The following LDB2 variants were observed in gnomAD, a reference collection of about 807,000 sequenced individuals.
LDB2 encodes LIM domain binding 2.
Under a neutral mutation model 44.3 loss-of-function variants are expected in LDB2, and 12 were observed. That is an observed-to-expected ratio of 0.27 (90% CI 0.17 to 0.44). The LOEUF (loss-of-function observed/expected upper bound fraction) is 0.44. LDB2 is among the 20% of genes least tolerant of loss of function. The pLI is 1.00. For synonymous variants in LDB2, 164 were observed against 174.8 expected, an observed-to-expected ratio of 0.94 and a Z score of 0.49; for missense variants, 344 against 473.5, an observed-to-expected ratio of 0.73 and a Z score of 2.54.
intron 1 of LDB2, among the ~76,000 whole-genome samples, chr4:16,896,423 A>G (rs1725023226): frequency 6.6e-6 from 1 of 152,108 alleles, no homozygotes; most frequent in Admixed American, 6.6e-5. Flanking sequence ...TTTTTTAATG[A>G]GGGCAAGAGT....
At chr4:16,719,255 AAGGC>A (rs1757719928) in intron 2 of LDB2, among the ~76,000 whole-genome samples, 1 of 152,136 alleles carries the variant, frequency 6.6e-6, no homozygotes. Flanking sequence ...TCCTTCAGTA[AAGGC>A]TAAAATAATT....
chr4:16,686,374 T>C (rs2152573642), intron 2 of LDB2, among the ~76,000 whole-genome samples: 1 of 152,382 alleles, frequency 6.6e-6, no homozygotes, highest in Non-Finnish European at 1.5e-5. Flanking sequence ...TGGGTGGTAT[T>C]ACTCTCATTC....
intron 2 of LDB2, among the ~76,000 whole-genome samples, chr4:16,666,672 G>T (rs1349130152): frequency 2.0e-5 from 3 of 152,194 alleles, no homozygotes; most frequent in Non-Finnish European, 2.9e-5. Flanking sequence ...CGAGGTAACA[G>T]TTTTGTGGAG....
At chr4:16,551,946 A>AT (rs1449979626) in intron 5 of LDB2, among the ~76,000 whole-genome samples, 2 of 152,016 alleles carry the variant, frequency 1.3e-5, no homozygotes, top group Admixed American at 6.6e-5. Flanking sequence ...TTTTTACATA[A>AT]TTTTTTTTCC....
chr4:16,849,310 T>A (rs1787725166), intron 1 of LDB2, among the ~76,000 whole-genome samples: 2 of 152,220 alleles, frequency 1.3e-5, no homozygotes, highest in Non-Finnish European at 2.9e-5. Context: ...CGTACTGTCT[T>A]TCATCTTCCT....
chr4:16,620,389 T>C (rs1728553578), intron 2 of LDB2, among the ~76,000 whole-genome samples: 1 of 152,188 alleles, frequency 6.6e-6, no homozygotes, highest in African/African-American at 2.4e-5. Flanking sequence ...CTTAGAGTCT[T>C]AGATGCTTAG....
chr4:16,731,470 G>A (rs1404281396), intron 2 of LDB2, among the ~76,000 whole-genome samples: 1 of 152,052 alleles, frequency 6.6e-6, no homozygotes, highest in Non-Finnish European at 1.5e-5. Context: ...CCCTTATAAG[G>A]GACCCAGACA....
At chr4:16,785,199 C>T (rs927931596) in intron 1 of LDB2, among the ~76,000 whole-genome samples, 1 of 151,938 alleles carries the variant, frequency 6.6e-6, no homozygotes, top group African/African-American at 2.4e-5. Context: ...AAGAACTAAA[C>T]GTGACACAAA....
chr4:16,620,681 C>T (rs972598192), intron 2 of LDB2, among the ~76,000 whole-genome samples: 32 of 152,144 alleles, frequency 2.1e-4, no homozygotes, highest in African/African-American at 7.2e-4. Flanking sequence ...CATGTGTAGC[C>T]AGCCCCTTCC....
chr4:16,554,816 T>C (rs1320903205), intron 5 of LDB2, among the ~76,000 whole-genome samples: 1 of 152,138 alleles, frequency 6.6e-6, no homozygotes, highest in African/African-American at 2.4e-5. Flanking sequence ...GGCAGTGAAA[T>C]TGCTCTCTAT....
intron 2 of LDB2, among the ~76,000 whole-genome samples, chr4:16,718,947 T>C (rs1757643223): frequency 2.0e-5 from 3 of 152,186 alleles, no homozygotes; most frequent in African/African-American, 7.2e-5. Context: ...GATTAAACTT[T>C]GTTGCCCTGT....
intron 2 of LDB2, among the ~76,000 whole-genome samples, chr4:16,737,787 G>C (rs1762202856): frequency 6.6e-6 from 1 of 152,136 alleles, no homozygotes. Flanking sequence ...TGAATGATTT[G>C]TCTCTGAACT....
intron 5 of LDB2, among the ~76,000 whole-genome samples, chr4:16,522,030 G>A (rs2152276691): frequency 6.6e-6 from 1 of 152,246 alleles, no homozygotes; most frequent in Middle Eastern, 3.4e-3. Flanking sequence ...ATCTCTTGGT[G>A]TTTCAGTCTC....
intron 1 of LDB2, among the ~76,000 whole-genome samples, chr4:16,846,373 G>A (rs1787007988): frequency 6.6e-6 from 1 of 152,168 alleles, no homozygotes; most frequent in South Asian, 2.1e-4. Context: ...TTTAAAAATA[G>A]AAAGCAAAGT....
intron 2 of LDB2, among the ~76,000 whole-genome samples, chr4:16,699,167 A>C (rs1240501009): frequency 1.3e-5 from 2 of 152,222 alleles, no homozygotes; most frequent in Non-Finnish European, 1.5e-5. Flanking sequence ...AGGGGACTGC[A>C]CATTCTTCAT....
chr4:16,668,131 A>T (rs1441295809), intron 2 of LDB2, among the ~76,000 whole-genome samples: 2 of 147,802 alleles, frequency 1.4e-5, no homozygotes, highest in East Asian at 4.0e-4. Flanking sequence ...AGTTTCATAA[A>T]TTTTTAATCA....
intron 1 of LDB2, among the ~76,000 whole-genome samples, chr4:16,880,328 C>A (rs964221906): frequency 1.3e-5 from 2 of 152,094 alleles, no homozygotes; most frequent in Non-Finnish European, 2.9e-5. Flanking sequence ...AGGCAGCTGA[C>A]CAAGGGGAGA....
At chr4:16,727,233 A>G (rs1005673536) in intron 2 of LDB2, among the ~76,000 whole-genome samples, 4 of 152,214 alleles carry the variant, frequency 2.6e-5, no homozygotes, top group Admixed American at 6.5e-5. Context: ...ATGGATCAGA[A>G]AGTGTAGTGT....
intron 1 of LDB2, among the ~76,000 whole-genome samples, chr4:16,778,162 C>T (rs528963534): frequency 6.6e-6 from 1 of 152,294 alleles, no homozygotes; most frequent in East Asian, 1.9e-4. Flanking sequence ...CTTCTCCATG[C>T]ATGAATGCTT....
Sources: gnomAD v4.1 joint callset for allele counts (sites outside exome capture counted in the v4.1 genomes callset) on GRCh38, gnomAD v4.1.1 for gene constraint, MANE v1.5 for transcripts, NCBI Gene and HGNC (gene_info 2026-07-23, HGNC 2026-07-21) for gene names.